The following ADAMTSL1 variants were observed in gnomAD, a reference collection of about 807,000 sequenced individuals.
ADAMTSL1 encodes the protein ADAMTS-like protein 1.
In ADAMTSL1, 126 loss-of-function variants were observed where a neutral mutation model predicts 201.8. That is an observed-to-expected ratio of 0.62 (90% CI 0.54 to 0.72). The LOEUF is 0.72. ADAMTSL1 is among the 30% of genes least tolerant of loss of function. The pLI, the probability that ADAMTSL1 is intolerant of heterozygous loss-of-function variation, is 0.00. For synonymous variants in ADAMTSL1, 1,121 were observed against 903.4 expected (o/e 1.24, Z -4.32); for missense variants, 2,679 against 2,277.8 (o/e 1.18, Z -3.59).
intron 1 of ADAMTSL1, among the ~76,000 whole-genome samples, chr9:18,125,769 T>TC (rs946019826): frequency 6.6e-6 from 1 of 152,202 alleles, no homozygotes; most frequent in East Asian, 1.9e-4. Context: ...GCATCTTTTT[T>TC]CCACACTGCT....
At position 18,777,697 on chromosome 9, in the gene ADAMTSL1, C is replaced by T. The variant is rs1260106074; in HGVS notation, c.3468C>T (p.Gly1156=). ...RTSSTGDAGG[G]SRRPHRKPTI... ...CCTCCACCGGGGACGCCGGGGGAGG[C>T]TCTCGAAGGCCACACCGCAAGCCCA... Residue 1156 remains glycine, a synonymous_variant, in exon 19 of 29, where the codon GGC becomes GGT. Transcript: ENST00000380548. 4 of 1,613,362 alleles carry T rather than the reference C, an allele frequency of 2.5e-6. No individual in the cohort carries two copies. Among genetic ancestry groups the T allele is most frequent in the Non-Finnish European group, 3.4e-6 (4 of 1,179,666 alleles).
At chr9:18,135,174 T>C (rs1826108737) in intron 1 of ADAMTSL1, among the ~76,000 whole-genome samples, 1 of 152,210 alleles carries the variant, frequency 6.6e-6, no homozygotes, top group African/African-American at 2.4e-5. Context: ...TATAACTCCA[T>C]ATGTGGAATC....
At chr9:18,769,357 C>T (rs955595802) in intron 16 of ADAMTSL1, among the ~76,000 whole-genome samples, 2 of 152,170 alleles carry the variant, frequency 1.3e-5, no homozygotes, top group African/African-American at 4.8e-5. Flanking sequence ...AAGCTAATGA[C>T]AAGAAACTAT....
At chr9:18,078,402 A>G (rs1389375729) in intron 1 of ADAMTSL1, among the ~76,000 whole-genome samples, 4 of 152,026 alleles carry the variant, frequency 2.6e-5, no homozygotes, top group African/African-American at 9.7e-5. Flanking sequence ...ACATTTCATC[A>G]CTATTTTTCT....
intron 1 of ADAMTSL1, among the ~76,000 whole-genome samples, chr9:18,128,761 C>A (rs1825837851): frequency 1.3e-5 from 2 of 152,112 alleles, no homozygotes; most frequent in Non-Finnish European, 2.9e-5. Context: ...ATTCCCTCTT[C>A]CCCATATTGT....
chr9:18,699,606 A>T (rs1831803993), intron 13 of ADAMTSL1, among the ~76,000 whole-genome samples: 1 of 152,172 alleles, frequency 6.6e-6, no homozygotes, highest in African/African-American at 2.4e-5. Context: ...CTGGGATTAC[A>T]AGTGTGAGCC....
intron 2 of ADAMTSL1, among the ~76,000 whole-genome samples, chr9:18,517,716 A>G (rs971049528): frequency 2.6e-5 from 4 of 151,980 alleles, no homozygotes; most frequent in Admixed American, 1.3e-4. Flanking sequence ...ATGATTTCCA[A>G]TTTCATCCAT....
intron 8 of ADAMTSL1, among the ~76,000 whole-genome samples, chr9:18,661,701 G>C (rs530627773): frequency 1.1e-4 from 17 of 152,264 alleles, no homozygotes; most frequent in African/African-American, 3.9e-4. Flanking sequence ...CCCTTAAGTA[G>C]TTCAAGCCTA....
chr9:18,232,136 G>A (rs574373473), intron 2 of ADAMTSL1, among the ~76,000 whole-genome samples: 4 of 152,172 alleles, frequency 2.6e-5, no homozygotes, highest in East Asian at 3.9e-4. Flanking sequence ...TCCTATTTAC[G>A]CACTGACCTT....
chr9:18,443,858 T>C (rs1018562112), intron 2 of ADAMTSL1, among the ~76,000 whole-genome samples: 11 of 152,318 alleles, frequency 7.2e-5, no homozygotes, highest in African/African-American at 2.6e-4. Flanking sequence ...TTTGAATAGA[T>C]TGTCTGTATA....
intron 1 of ADAMTSL1, among the ~76,000 whole-genome samples, chr9:18,502,551 C>G (rs1822899163): frequency 6.6e-6 from 1 of 152,130 alleles, no homozygotes; most frequent in Non-Finnish European, 1.5e-5. Context: ...TGTTTAAGTT[C>G]TGAAAACAGA....
At chr9:18,226,048 A>G (rs1830424582) in intron 2 of ADAMTSL1, among the ~76,000 whole-genome samples, 1 of 152,126 alleles carries the variant, frequency 6.6e-6, no homozygotes, top group Non-Finnish European at 1.5e-5. Flanking sequence ...TCCTAGGTTA[A>G]TATTAATTTA....
intron 1 of ADAMTSL1, among the ~76,000 whole-genome samples, chr9:17,913,691 T>C (rs1416395719): frequency 6.6e-6 from 1 of 151,818 alleles, no homozygotes; most frequent in East Asian, 1.9e-4. Context: ...CTGAAGGAAA[T>C]AGACACACAA....
In ADAMTSL1 at chr9:18,591,676, T is replaced by C. The variant is rs1231907588; in HGVS notation, c.474+17410T>C. ...CAAAAGTTATTGTGGTTTTGGACCA[T>C]AAATTTTAAATCACTGTAACTAGGC... On this transcript the variant is annotated intron_variant, in intron 4 of 28. Transcript: ENST00000380548. Among the ~76,000 whole-genome samples, 3 of 152,184 alleles carry C rather than the reference T, an allele frequency of 2.0e-5. No homozygotes were observed. In the East Asian group the frequency reaches 5.8e-4, roughly 29 times the overall value.
At chr9:18,149,063 G>T (rs867020646) in intron 1 of ADAMTSL1, among the ~76,000 whole-genome samples, 7 of 152,128 alleles carry the variant, frequency 4.6e-5, no homozygotes, top group Middle Eastern at 3.4e-3. Flanking sequence ...TTTTTAAGTG[G>T]CTTATGCTGT....
chr9:18,676,029 G>A lies in ADAMTSL1; in HGVS notation c.1136+122G>A, dbSNP rs549261696. ...TTATATGTTTTTAAGATGGTAGATG[G>A]TATATTTTGCAATCCATCCTGAGTT... On this transcript the variant is annotated intron_variant, in intron 10 of 28. Coordinates refer to ENST00000380548, the MANE Select transcript of ADAMTSL1 (RefSeq NM_001040272.6). 2.3e-3 allele frequency: 2,242 copies of A among 978,702 alleles called. 9 individuals are homozygous for A. The highest frequency in any genetic ancestry group is 2.6e-3 in the Non-Finnish European group (1,661 of 641,998). 60.6% of individuals were successfully genotyped at this position (978,702 alleles called of 1,614,324 possible).
At chr9:18,189,745 A>G (rs1453859344) in intron 2 of ADAMTSL1, among the ~76,000 whole-genome samples, 1 of 152,092 alleles carries the variant, frequency 6.6e-6, no homozygotes, top group African/African-American at 2.4e-5. Flanking sequence ...CCACTCTATT[A>G]TAGAACTGTG....
intron 2 of ADAMTSL1, among the ~76,000 whole-genome samples, chr9:18,527,196 G>A (rs974201080): frequency 2.6e-5 from 4 of 152,192 alleles, no homozygotes; most frequent in Non-Finnish European, 5.9e-5. Context: ...CCATAAGTCC[G>A]TATTTGAAAA....
At chr9:18,219,341 A>ATTTT (rs1310192825) in intron 2 of ADAMTSL1, among the ~76,000 whole-genome samples, 6 of 142,046 alleles carry the variant, frequency 4.2e-5, no homozygotes, top group Non-Finnish European at 7.6e-5. Context: ...TTTACATTTT[A>ATTTT]TTTTTATTTA....
Sources: allele counts gnomAD v4.1 joint callset (sites outside exome capture counted in the v4.1 genomes callset), GRCh38; gene constraint gnomAD v4.1.1; transcripts MANE v1.5; gene names NCBI Gene and HGNC (gene_info 2026-07-23, HGNC 2026-07-21).